The following PCDHGB4 variants were observed in gnomAD, a reference collection of about 807,000 sequenced individuals.
The protein encoded by PCDHGB4 is protocadherin gamma-B4.
In PCDHGB4, 38 loss-of-function variants were observed where a neutral mutation model predicts 60.5. That is an observed-to-expected ratio of 0.63 (90% confidence interval 0.48 to 0.82). The LOEUF (loss-of-function observed/expected upper bound fraction) is 0.82. PCDHGB4 is among the 40% of genes least tolerant of loss of function. The probability of loss-of-function intolerance (pLI) is 0.00; values close to 1 mark genes in which losing one functional copy is unlikely to be tolerated. For missense variants in PCDHGB4, 1,109 were observed against 1,209.6 expected (o/e 0.92, Z 1.23); for synonymous variants, 456 against 509.7 (o/e 0.89, Z 1.42).
In PCDHGB4 at chr5:141,388,226, G is replaced by A; in HGVS notation, c.342G>A (p.Leu114=). 6.2e-7 allele frequency: 1 copy of A among 1,605,056 alleles called. No homozygotes were observed. The highest frequency in any genetic ancestry group is 8.5e-7 in the Non-Finnish European group (1 of 1,173,470). ...LEFEAVAENP[L]NFYHVNVEIE... ...TTGAGGCTGTTGCTGAAAATCCACT[G>A]AACTTTTATCACGTGAATGTGGAGA... Residue 114 remains leucine (L), a synonymous_variant, in exon 1 of 4, where the codon CTG becomes CTA. Coordinates refer to ENST00000519479, the MANE Select transcript of PCDHGB4 (RefSeq NM_003736.4).
chr5:141,404,242 G>A (rs372976589), intron 1 of PCDHGB4: 30 of 1,613,344 alleles, frequency 1.9e-5, no homozygotes, highest in Non-Finnish European at 2.4e-5. Flanking sequence ...GAGGAACTCC[G>A]CCCCTGTCCA....
chr5:141,498,672 C>T (rs1034911993), intron 2 of PCDHGB4, among the ~76,000 whole-genome samples: 3 of 152,218 alleles, frequency 2.0e-5, no homozygotes, highest in South Asian at 4.1e-4. Context: ...TGGCTCACGC[C>T]TGTAATCCCA....
rs1214853229 is a variant in PCDHGB4 at position 141,432,238 on chromosome 5, GAA to G, written c.2397+41958_2397+41959del. ...CCCAGATCACTTATTCCCTGGCTGA[GAA>G]CACCATCCAAGGGGCAAGCCTATCG... On this transcript the variant is annotated intron_variant, in intron 1 of 3. Coordinates refer to ENST00000519479, the MANE Select transcript of PCDHGB4 (RefSeq NM_003736.4). The surrounding 1 kb of genome is among the most constrained non-coding windows in gnomAD (Gnocchi z 6.0). 1 of 1,614,216 alleles carries G rather than the reference GAA, an allele frequency of 6.2e-7. No homozygotes were observed. The highest frequency in any genetic ancestry group is 2.2e-5 in the East Asian group (1 of 44,882).
Position 141,422,522 on chromosome 5 carries a change from C to T in PCDHGB4, c.2397+32241C>T, listed in dbSNP as rs767482856. On this transcript the variant is annotated intron_variant, in intron 1 of 3. Coordinates refer to ENST00000519479, the MANE Select transcript of PCDHGB4 (RefSeq NM_003736.4). Reference sequence around the variant, plus strand: ...ACAGCCACAGACCAGGGAAGCCCGCCTTTGTCTGCAGAAACTCATGTCTGG... The same window carrying T: ...ACAGCCACAGACCAGGGAAGCCCGCTTTTGTCTGCAGAAACTCATGTCTGG... 11 of 1,614,014 alleles carry T rather than the reference C, an allele frequency of 6.8e-6. No homozygotes were observed. In the South Asian group the frequency reaches 1.1e-4, roughly 16 times the overall value.
chr5:141,462,617 T>C (rs1413543706), intron 1 of PCDHGB4, among the ~76,000 whole-genome samples: 1 of 151,850 alleles, frequency 6.6e-6, no homozygotes, highest in East Asian at 1.9e-4. Context: ...TTTTCACTTT[T>C]AGAAGTTCCA....
rs1219684339 is a variant in PCDHGB4, at chr5:141,506,444, CAA to C, written c.2545+983_2545+984del. Among the ~76,000 whole-genome samples the C allele has an allele frequency of 5.9e-3, 564 of 95,004 alleles. 2 individuals carry two copies. The highest frequency in any genetic ancestry group is 0.013 in the African/African-American group (317 of 25,186). 62.3% of individuals were successfully genotyped at this position (95,004 alleles called of 152,430 possible). Reference sequence around the variant, plus strand: ...CCTGGGCAACAGTCTCGCTCTGTCTCAAAAAAAAAAAAAAAAAAAAAGAGCAC... The same window carrying C: ...CCTGGGCAACAGTCTCGCTCTGTCTCAAAAAAAAAAAAAAAAAAAGAGCAC... On this transcript the variant is annotated intron_variant, in intron 3 of 3. Transcript: ENST00000519479.
In PCDHGB4 at chr5:141,511,351, C is replaced by A. The variant is rs1190324197; in HGVS notation, c.*178C>A. 11 of 1,386,432 alleles carry A rather than the reference C, an allele frequency of 7.9e-6. No individual in the cohort carries two copies. Among genetic ancestry groups the A allele is most frequent in the South Asian group, 4.5e-5 (3 of 67,158 alleles). The allele number at this position is 1,386,432 out of a possible 1,614,324, so 85.9% of individuals were successfully genotyped here. On this transcript the variant is annotated 3_prime_UTR_variant, in exon 4 of 4. Transcript: ENST00000519479. ...CCAGTCAGCACCTACCCCTTCCCCC[C>A]CAGGGGGTTGAATATGCAAAAGCAG...
At chr5:141,394,064 C>G in intron 1 of PCDHGB4, 7 of 1,613,776 alleles carry the variant, frequency 4.3e-6, no homozygotes, top group Non-Finnish European at 5.9e-6. Flanking sequence ...ATGTCTCTAT[C>G]TACAATATCA....
rs1027897777 is a variant in PCDHGB4, at chr5:141,510,812, C to T, written c.2546-135C>T. 151 of 1,531,674 alleles carry T rather than the reference C, an allele frequency of 9.9e-5. 1 individual carries two copies. The highest frequency in any genetic ancestry group is 2.5e-5 in the South Asian group (2 of 80,152). 94.9% of individuals were successfully genotyped at this position (1,531,674 alleles called of 1,614,324 possible). A position where few individuals can be genotyped will look rare whatever the true frequency, so the allele number is the denominator to read the frequency against. On this transcript the variant is annotated intron_variant, in intron 3 of 3. Coordinates refer to ENST00000519479, the MANE Select transcript of PCDHGB4 (RefSeq NM_003736.4). ...TGTGAAGAGAGACTACCTTGGTGAC[C>T]CCTATATTCCCAGTGCTCAGCGTGG...
In PCDHGB4 at chr5:141,454,796, A is replaced by ATTTTTTTTTTTTTTTTTTT. The variant is rs61612330; in HGVS notation, c.2398-40000_2398-39982dup. Among the ~76,000 whole-genome samples the ATTTTTTTTTTTTTTTTTTT allele has an allele frequency of 2.8e-4, 22 of 77,458 alleles. 2 individuals are homozygous for ATTTTTTTTTTTTTTTTTTT. Among genetic ancestry groups the ATTTTTTTTTTTTTTTTTTT allele is most frequent in the East Asian group, 4.0e-4 (1 of 2,512 alleles). The allele number at this position is 77,458 out of a possible 152,430, so 50.8% of individuals were successfully genotyped here. The stretch of plus-strand genomic sequence containing the variant: ...AAGGAAATAATCCTCCATGGTTCTA[A>ATTTTTTTTTTTTTTTTTTT]TTTTTTTTTTTTTTTTTTTTTTTTT... On this transcript the variant is annotated intron_variant, in intron 1 of 3. Coordinates refer to ENST00000519479, the MANE Select transcript of PCDHGB4 (RefSeq NM_003736.4).
chr5:141,459,171 A>G (rs2098962477), intron 1 of PCDHGB4, among the ~76,000 whole-genome samples: 1 of 152,180 alleles, frequency 6.6e-6, no homozygotes, highest in Non-Finnish European at 1.5e-5. Flanking sequence ...ATAACCTTCA[A>G]AAGTTCCCTC....
Position 141,477,468 on chromosome 5 carries a change from A to G in PCDHGB4, c.2398-17339A>G. ...GTGCGTGTTCAAGTGTCCGACATCA[A>G]TGACAACCCTCCACAATCTTCTCAA... is the stretch of plus-strand genomic sequence containing the variant. On this transcript the variant is annotated intron_variant, in intron 1 of 3. Transcript: ENST00000519479. This position sits in a 1 kb window ranked among gnomAD's most constrained non-coding sequence, Gnocchi z 4.9. 6.2e-7 allele frequency: 1 copy of G among 1,614,158 alleles called. No homozygotes were observed. Among genetic ancestry groups the G allele is most frequent in the Non-Finnish European group, 8.5e-7 (1 of 1,180,022 alleles).
chr5:141,397,841 C>A (rs996938995), intron 1 of PCDHGB4: 31 of 520,424 alleles, frequency 6.0e-5, no homozygotes, highest in Middle Eastern at 4.9e-4. Context: ...AACTTGAAGC[C>A]GCAGAGGCTG....
chr5:141,431,296 C>T lies in PCDHGB4; in HGVS notation c.2397+41015C>T, dbSNP rs2097358592. On this transcript the variant is annotated intron_variant, in intron 1 of 3. Transcript: ENST00000519479. The surrounding 1 kb of genome is among the most constrained non-coding windows in gnomAD (Gnocchi z 4.8). ...AGCTCAGCCCGAACACTCACTTCTC[C>T]CTCATCGTGCAAAATGGAGCCGACG... The T allele has an allele frequency of 1.9e-6, 3 of 1,614,018 alleles. No individual in the cohort carries two copies. Among genetic ancestry groups the T allele is most frequent in the Non-Finnish European group, 2.5e-6 (3 of 1,180,048 alleles).
Position 141,388,818 on chromosome 5 carries a change from G to T in PCDHGB4, c.934G>T (p.Glu312Ter). The part of the protein sequence containing the change: ...LNTLDFEEVK[E>*]YSIVLEARDG... ...TACATTAGATTTTGAAGAAGTCAAA[G>T]AATATTCCATAGTTTTGGAAGCAAG... Residue 312 changes from glutamate (E) to a stop codon, truncating the protein, a stop_gained, in exon 1 of 4, where the codon GAA becomes TAA. Transcript: ENST00000519479. LOFTEE classifies it high-confidence loss of function. 2 of 1,613,928 alleles carry T rather than the reference G, an allele frequency of 1.2e-6. No individual in the cohort carries two copies. Among genetic ancestry groups the T allele is most frequent in the Non-Finnish European group, 1.7e-6 (2 of 1,179,856 alleles).
chr5:141,511,062 C>T lies in PCDHGB4; in HGVS notation c.2661C>T (p.Tyr887=), dbSNP rs775583963. The change falls in exon 4 of 4, where the codon TAC becomes TAT. Residue 887 remains tyrosine, a synonymous_variant. Transcript: ENST00000519479. ...TGCCCGACTACCGCCAGAATGTCTACATCCCAGGCAGCAATGCCACACTGA... is the reference window on the plus strand; with the variant it reads ...TGCCCGACTACCGCCAGAATGTCTATATCCCAGGCAGCAATGCCACACTGA... ...QHVPDYRQNV[Y]IPGSNATLTN... The T allele has an allele frequency of 6.2e-7, 1 of 1,614,246 alleles. No homozygotes were observed. The highest frequency in any genetic ancestry group is 1.3e-5 in the African/African-American group (1 of 75,064).
At chr5:141,495,073 C>T (rs1464039604) in intron 2 of PCDHGB4, among the ~76,000 whole-genome samples, 1 of 152,186 alleles carries the variant, frequency 6.6e-6, no homozygotes, top group Non-Finnish European at 1.5e-5. Flanking sequence ...GCTCAATTCA[C>T]ATGCTTGCCC....
rs1434955829 is a variant in PCDHGB4, at chr5:141,431,361, A to G, written c.2397+41080A>G. 3 of 1,614,002 alleles carry G rather than the reference A, an allele frequency of 1.9e-6. No homozygotes were observed. The highest frequency in any genetic ancestry group is 2.5e-6 in the Non-Finnish European group (3 of 1,180,034). On this transcript the variant is annotated intron_variant, in intron 1 of 3. Transcript: ENST00000519479. The surrounding 1 kb of genome is among the most constrained non-coding windows in gnomAD (Gnocchi z 4.8). ...GAATTGGTGCTGAAACGCGCCCTGG[A>G]CCGCGAAGAAAAGGCTGCTCACCAC...
intron 1 of PCDHGB4, among the ~76,000 whole-genome samples, chr5:141,433,653 T>C (rs1030084681): frequency 6.6e-6 from 1 of 152,024 alleles, no homozygotes; most frequent in Non-Finnish European, 1.5e-5. Flanking sequence ...CTGACCAACA[T>C]GGAGAAACCC....
Sources: allele counts gnomAD v4.1 joint callset (sites outside exome capture counted in the v4.1 genomes callset), GRCh38; gene constraint gnomAD v4.1.1; non-coding constraint Gnocchi (gnomAD v3.1); transcripts MANE v1.5; gene names NCBI Gene and HGNC (gene_info 2026-07-23, HGNC 2026-07-21).